Variants in ATP11C observed in about 807,000 individuals in gnomAD.
ATP11C encodes the protein ATPase phospholipid transporting 11C (ATP11C blood group), also known as phospholipid-transporting ATPase IG.
In ATP11C, 36 loss-of-function variants were observed where a neutral mutation model predicts 97.4. The ratio of observed to expected loss-of-function variants is 0.37; its 90% confidence interval spans 0.28 to 0.49. The LOEUF is 0.49. ATP11C is among the 20% of genes least tolerant of loss of function. ATP11C has a pLI of 0.98. For synonymous variants in ATP11C, 275 were observed against 290.9 expected (o/e 0.95, Z 0.56); for missense variants, 730 against 824.6 (o/e 0.89, Z 1.40).
chrX:139,907,519 G>T (rs765024226), intron 1 of ATP11C, among the ~76,000 whole-genome samples: 176 of 110,838 alleles, frequency 1.6e-3, no homozygotes, highest in South Asian at 8.9e-3. Context: ...GAGGCTGAGC[G>T]GGGCACATCA....
intron 23 of ATP11C, 147 bp downstream of exon 23, chrX:139,757,661 C>G (rs1203738949): frequency 5.8e-6 from 2 of 345,669 alleles, no homozygotes; most frequent in Non-Finnish European, 9.9e-6. Flanking sequence ...ACTAGAAAAG[C>G]AAAGACATAA....
chrX:139,888,291 G>A (rs898297275), intron 1 of ATP11C, among the ~76,000 whole-genome samples: 1 of 109,055 alleles, frequency 9.2e-6, no homozygotes, highest in Non-Finnish European at 1.9e-5. Context: ...CCGCCACAAC[G>A]CCCAGCTAAT....
At chrX:139,925,882 T>C (rs1055901891) in intron 1 of ATP11C, among the ~76,000 whole-genome samples, 1 of 111,498 alleles carries the variant, frequency 9.0e-6, no homozygotes, top group Non-Finnish European at 1.9e-5. Context: ...CCACGGTCCA[T>C]TATCATTTAT....
chrX:139,802,366 A>G, intron 6 of ATP11C, 27 bp from the exon 7 acceptor site: 1 of 1,013,829 alleles, frequency 9.9e-7, no homozygotes, highest in South Asian at 2.0e-5. Flanking sequence ...GAAAAAGTGA[A>G]AACCAAAAAA....
chrX:139,779,894 G>C (rs1208052335), intron 18 of ATP11C, among the ~76,000 whole-genome samples: 2 of 111,884 alleles, frequency 1.8e-5, no homozygotes, highest in South Asian at 3.7e-4. Flanking sequence ...TGATACCACA[G>C]AAATACAAAA....
chrX:139,846,637 C>T (rs1426477982), intron 1 of ATP11C, among the ~76,000 whole-genome samples: 2 of 111,395 alleles, frequency 1.8e-5, no homozygotes, highest in Admixed American at 1.9e-4. Flanking sequence ...TTCGTTCACT[C>T]CTAGGAATAC....
intron 1 of ATP11C, among the ~76,000 whole-genome samples, chrX:139,892,250 A>G: frequency 8.9e-6 from 1 of 111,862 alleles, no homozygotes; most frequent in Non-Finnish European, 1.9e-5. Flanking sequence ...GCAGATCAAA[A>G]AGTACAGAAT....
chrX:139,758,314 C>G (rs2081975751), intron 22 of ATP11C, among the ~76,000 whole-genome samples: 1 of 112,332 alleles, frequency 8.9e-6, no homozygotes, highest in South Asian at 3.7e-4. Flanking sequence ...GCTTTAATGC[C>G]TTTATTACTA....
chrX:139,872,986 T>C (rs1261198328), intron 1 of ATP11C, among the ~76,000 whole-genome samples: 1 of 112,513 alleles, frequency 8.9e-6, no homozygotes, highest in Non-Finnish European at 1.9e-5. Flanking sequence ...GTGTAAGTTA[T>C]CAAATATTAA....
At chrX:139,926,736 A>C (rs2085357192) in intron 1 of ATP11C, among the ~76,000 whole-genome samples, 2 of 112,803 alleles carry the variant, frequency 1.8e-5, no homozygotes, top group African/African-American at 6.4e-5. Context: ...AACAAACAGT[A>C]AACACTTACA....
Position 139,864,636 on chromosome X carries a change from T to C in ATP11C, c.28-37813A>G, listed in dbSNP as rs751629395. Among the ~76,000 whole-genome samples, 5 of 112,020 alleles carry C rather than the reference T, an allele frequency of 4.5e-5. No homozygotes were observed. The South Asian group carries it at 1.9e-3, about 42-fold the overall frequency. On this transcript the variant is annotated intron_variant, in intron 1 of 29. Transcript: ENST00000682941. The stretch of plus-strand genomic sequence containing the variant: ...ATACATATAGTGTCTGGCCCATAGT[T>C]GGCACTCCGTAAATGTTAATTTCCA...
intron 5 of ATP11C, among the ~76,000 whole-genome samples, chrX:139,811,837 T>C (rs925601028): frequency 9.0e-5 from 10 of 111,378 alleles, no homozygotes; most frequent in Non-Finnish European, 1.3e-4. Flanking sequence ...CTACTTCATA[T>C]GGCTGTTGTT....
intron 1 of ATP11C, among the ~76,000 whole-genome samples, chrX:139,868,299 C>G (rs1405401280): frequency 1.8e-5 from 2 of 111,669 alleles, no homozygotes; most frequent in Admixed American, 1.9e-4. Flanking sequence ...AGTAGGACTA[C>G]ACGAAACTAA....
chrX:139,773,180 T>C (rs775361665), intron 19 of ATP11C, among the ~76,000 whole-genome samples: 1 of 111,663 alleles, frequency 9.0e-6, no homozygotes, highest in Non-Finnish European at 1.9e-5. Context: ...CATTTTTCTC[T>C]TGTCGCTGTC....
chrX:139,835,498 G>A (rs1012332103), intron 1 of ATP11C, among the ~76,000 whole-genome samples: 1 of 109,852 alleles, frequency 9.1e-6, no homozygotes, highest in Non-Finnish European at 1.9e-5. Flanking sequence ...TCCGCCTCCT[G>A]GGTTCAAGCA....
At chrX:139,884,083 T>C (rs1251791175) in intron 1 of ATP11C, among the ~76,000 whole-genome samples, 2 of 112,018 alleles carry the variant, frequency 1.8e-5, no homozygotes, top group African/African-American at 3.2e-5. Flanking sequence ...GCAGCACTTT[T>C]GGCTGGAAGA....
At chrX:139,908,862 T>C (rs1286149422) in intron 1 of ATP11C, among the ~76,000 whole-genome samples, 3 of 112,100 alleles carry the variant, frequency 2.7e-5, no homozygotes, top group African/African-American at 9.7e-5. Flanking sequence ...TACTAGGATG[T>C]TTCCAATGCA....
intron 1 of ATP11C, among the ~76,000 whole-genome samples, chrX:139,909,626 A>C (rs2085038970): frequency 8.9e-6 from 1 of 111,735 alleles, no homozygotes; most frequent in African/African-American, 3.3e-5. Flanking sequence ...CGGCATCAAC[A>C]TCAGTATCTT....
At position 139,731,709 on chromosome X, in the gene ATP11C, G is replaced by C; in HGVS notation, c.3335C>G (p.Pro1112Arg). The C allele has an allele frequency of 8.4e-7, 1 of 1,196,606 alleles. No homozygotes were observed. Among genetic ancestry groups the C allele is most frequent in the Non-Finnish European group, 1.1e-6 (1 of 885,961 alleles). Reference protein sequence around the residue: ...RRASDSLSARPSVRPLLLRTF... With the variant: ...RRASDSLSARRSVRPLLLRTF... Reference sequence around the variant, plus strand: ...TCGTAAAAGAAGAGGTCTGACTGAAGGTCTGGCGGATAATGAGTCAGATGC... The same window carrying C: ...TCGTAAAAGAAGAGGTCTGACTGAACGTCTGGCGGATAATGAGTCAGATGC... Residue 1112 changes from proline to arginine, a missense_variant, in exon 29 of 30, where the codon CCT becomes CGT. Pro to Arg is a moderately radical substitution (Grantham distance 103). Transcript: ENST00000682941.
Sources: allele counts gnomAD v4.1 joint callset (sites outside exome capture counted in the v4.1 genomes callset), GRCh38; gene constraint gnomAD v4.1.1; transcripts MANE v1.5; gene names NCBI Gene and HGNC (gene_info 2026-07-23, HGNC 2026-07-21).